NKAIN2: variants seen among roughly 807,000 people sequenced by gnomAD.
The protein encoded by NKAIN2 is sodium/potassium-transporting ATPase subunit beta-1-interacting protein 2.
NKAIN2 carries 14 observed loss-of-function variants against 32.6 expected under a neutral mutation model. That is an observed-to-expected ratio of 0.43 (90% confidence interval 0.28 to 0.67). The LOEUF (loss-of-function observed/expected upper bound fraction) is 0.67. NKAIN2 is among the 30% of genes least tolerant of loss of function. The pLI is 0.17. For synonymous variants in NKAIN2, 80 were observed against 87.2 expected, an observed-to-expected ratio of 0.92 and a Z score of 0.46; for missense variants, 198 against 258.3, an observed-to-expected ratio of 0.77 and a Z score of 1.60.
At chr6:124,008,432 T>G (rs1780175334) in intron 1 of NKAIN2, among the ~76,000 whole-genome samples, 1 of 152,112 alleles carries the variant, frequency 6.6e-6, no homozygotes, top group African/African-American at 2.4e-5. Context: ...AGTCATGAGT[T>G]CCATAAGTAT....
At chr6:124,092,393 C>A (rs1784469062) in intron 1 of NKAIN2, among the ~76,000 whole-genome samples, 1 of 152,012 alleles carries the variant, frequency 6.6e-6, no homozygotes, top group Non-Finnish European at 1.5e-5. Context: ...ATATAAGGAA[C>A]AATTTTCTAT....
At position 124,217,849 on chromosome 6, in the gene NKAIN2, A is replaced by T. The variant is rs1460966428; in HGVS notation, c.55-65156A>T. 4.6e-5 allele frequency among the ~76,000 whole-genome samples: 7 copies of T among 152,214 alleles called. No homozygotes were observed. In the East Asian group the frequency reaches 1.4e-3, roughly 29 times the overall value. On this transcript the variant is annotated intron_variant, in intron 1 of 6. Coordinates refer to ENST00000368417, the MANE Select transcript of NKAIN2 (RefSeq NM_001040214.3). ...TATAGAGAGAGATATAGATATATAC[A>T]CACACAAAGCTCAAATATTAACTAA...
chr6:124,301,939 T>G (rs903753270), intron 2 of NKAIN2, among the ~76,000 whole-genome samples: 3 of 152,160 alleles, frequency 2.0e-5, no homozygotes, highest in Non-Finnish European at 4.4e-5. Flanking sequence ...ATGTTGGTTT[T>G]GAAATATGAG....
chr6:124,171,838 C>G (rs1232900600), intron 1 of NKAIN2, among the ~76,000 whole-genome samples: 1 of 150,810 alleles, frequency 6.6e-6, no homozygotes, highest in African/African-American at 2.4e-5. Context: ...AGGCGTGAGC[C>G]ACCGCGGCCG....
intron 4 of NKAIN2, among the ~76,000 whole-genome samples, chr6:124,686,631 G>A (rs1320500606): frequency 1.3e-5 from 2 of 152,048 alleles, no homozygotes; most frequent in Non-Finnish European, 2.9e-5. Flanking sequence ...ATGATATTTG[G>A]GTAGGGATAC....
intron 3 of NKAIN2, among the ~76,000 whole-genome samples, chr6:124,415,177 G>T (rs1583216761): frequency 2.0e-5 from 3 of 152,070 alleles, no homozygotes; most frequent in East Asian, 3.9e-4. Context: ...ACAGATTTAG[G>T]TCTCAGTCTC....
chr6:124,188,635 G>A (rs1319675168), intron 1 of NKAIN2, among the ~76,000 whole-genome samples: 1 of 152,120 alleles, frequency 6.6e-6, no homozygotes, highest in Admixed American at 6.5e-5. Context: ...GTTGGTACTT[G>A]CAGAAAATTG....
At chr6:124,739,683 G>T (rs1406329950) in intron 4 of NKAIN2, among the ~76,000 whole-genome samples, 1 of 151,806 alleles carries the variant, frequency 6.6e-6, no homozygotes, top group African/African-American at 2.4e-5. Context: ...TCTTGAAAAA[G>T]GGAGAAGCTT....
intron 2 of NKAIN2, among the ~76,000 whole-genome samples, chr6:124,326,371 G>T (rs1266474048): frequency 6.6e-6 from 1 of 152,038 alleles, no homozygotes; most frequent in African/African-American, 2.4e-5. Context: ...ATGCAGAGAT[G>T]AACCAAAATG....
chr6:124,149,066 T>C (rs1787569719), intron 1 of NKAIN2, among the ~76,000 whole-genome samples: 2 of 152,180 alleles, frequency 1.3e-5, no homozygotes, highest in Admixed American at 6.5e-5. Flanking sequence ...AAGATATTGA[T>C]CATTCTTTAA....
intron 3 of NKAIN2, among the ~76,000 whole-genome samples, chr6:124,362,959 C>T (rs542754841): frequency 3.3e-5 from 5 of 152,118 alleles, no homozygotes; most frequent in African/African-American, 4.8e-5. Flanking sequence ...CTCAGCCTCC[C>T]GAGTAGCTGG....
intron 1 of NKAIN2, among the ~76,000 whole-genome samples, chr6:124,237,137 G>A (rs1178408117): frequency 6.6e-6 from 1 of 152,058 alleles, no homozygotes; most frequent in Non-Finnish European, 1.5e-5. Flanking sequence ...TGACAATACC[G>A]ACATCAGAAA....
intron 1 of NKAIN2, among the ~76,000 whole-genome samples, chr6:124,266,542 G>A (rs1794501770): frequency 6.6e-6 from 1 of 152,144 alleles, no homozygotes; most frequent in Non-Finnish European, 1.5e-5. Context: ...GCCTCCCAAA[G>A]TGCTGGGATT....
chr6:124,476,853 A>G (rs1343117710), intron 3 of NKAIN2, among the ~76,000 whole-genome samples: 1 of 152,164 alleles, frequency 6.6e-6, no homozygotes, highest in East Asian at 1.9e-4. Context: ...CCCACAGCAT[A>G]TGAAAGGGGT....
chr6:124,747,093 C>A (rs1435826544), intron 4 of NKAIN2, among the ~76,000 whole-genome samples: 1 of 151,966 alleles, frequency 6.6e-6, no homozygotes, highest in South Asian at 2.1e-4. Context: ...ATACTAAATT[C>A]TCAAAACCAT....
At chr6:124,493,646 C>T (rs2114730030) in intron 3 of NKAIN2, among the ~76,000 whole-genome samples, 1 of 146,270 alleles carries the variant, frequency 6.8e-6, no homozygotes, top group Admixed American at 7.1e-5. Flanking sequence ...TATTTTATAT[C>T]TCTACATCTC....
At chr6:124,326,559 G>C (rs544085251) in intron 2 of NKAIN2, among the ~76,000 whole-genome samples, 57 of 152,120 alleles carry the variant, frequency 3.7e-4, no homozygotes, top group African/African-American at 1.3e-3. Flanking sequence ...GCAGTTACAG[G>C]ACTTTGCCAG....
chr6:124,025,542 C>T (rs1014640125), intron 1 of NKAIN2, among the ~76,000 whole-genome samples: 15 of 152,288 alleles, frequency 9.8e-5, no homozygotes, highest in African/African-American at 3.4e-4. Flanking sequence ...CATGGCCCTT[C>T]CTTCCAATAT....
chr6:123,830,562 T>C (rs1774338294), intron 1 of NKAIN2, among the ~76,000 whole-genome samples: 1 of 152,216 alleles, frequency 6.6e-6, no homozygotes, highest in African/African-American at 2.4e-5. Context: ...ATATCCTTGA[T>C]ATCAAAGTAA....
Sources: allele counts gnomAD v4.1 joint callset (sites outside exome capture counted in the v4.1 genomes callset), GRCh38; gene constraint gnomAD v4.1.1; transcripts MANE v1.5; gene names NCBI Gene and HGNC (gene_info 2026-07-23, HGNC 2026-07-21).